The following GPR158 variants were observed in gnomAD, a reference collection of about 807,000 sequenced individuals.
GPR158 encodes G protein-coupled receptor 158, also known as metabotropic glycine receptor.
A neutral mutation model predicts 78.2 loss-of-function variants in GPR158; 30 were observed. The observed-to-expected ratio is 0.38, with a 90% CI of 0.29 to 0.52. The LOEUF (loss-of-function observed/expected upper bound fraction) is 0.52. GPR158 is among the 20% of genes least tolerant of loss of function. The probability of loss-of-function intolerance (pLI) is 0.83; values close to 1 mark genes in which losing one functional copy is unlikely to be tolerated. For missense variants in GPR158, 1,463 were observed against 1,523.5 expected (o/e 0.96, Z 0.66); for synonymous variants, 581 against 591.1 (o/e 0.98, Z 0.25).
At chr10:25,465,011 A>G (rs557248920) in intron 4 of GPR158, among the ~76,000 whole-genome samples, 26 of 152,306 alleles carry the variant, frequency 1.7e-4, no homozygotes, top group African/African-American at 6.3e-4. Context: ...CTATTCCCAA[A>G]TTCTTAAATT....
At position 25,175,087 on chromosome 10, in the gene GPR158, G is replaced by T; in HGVS notation, c.-334G>T. 1 of 235,090 alleles carries T rather than the reference G, an allele frequency of 4.3e-6. No homozygotes were observed. Among genetic ancestry groups the T allele is most frequent in the South Asian group, 8.9e-5 (1 of 11,222 alleles). 14.6% of individuals were successfully genotyped at this position (235,090 alleles called of 1,614,324 possible). ...AATGAGAGCGGCGGTGGCGGCAGCCGGGCCGAGAGACGGACTCGGGCTGAC... is the reference window on the plus strand; with the variant it reads ...AATGAGAGCGGCGGTGGCGGCAGCCTGGCCGAGAGACGGACTCGGGCTGAC... On this transcript the variant is annotated 5_prime_UTR_variant, in exon 1 of 11. Coordinates refer to ENST00000376351, the MANE Select transcript of GPR158 (RefSeq NM_020752.3). The surrounding 1 kb of genome is among the most constrained non-coding windows in gnomAD (Gnocchi z 6.4).
intron 2 of GPR158, among the ~76,000 whole-genome samples, chr10:25,264,181 C>T (rs554960031): frequency 2.0e-5 from 3 of 152,100 alleles, no homozygotes; most frequent in South Asian, 2.1e-4. Context: ...GTCCTTTGTA[C>T]GTTGAATCTG....
At chr10:25,299,119 TTTTG>T (rs1028603695) in intron 2 of GPR158, among the ~76,000 whole-genome samples, 3 of 152,160 alleles carry the variant, frequency 2.0e-5, no homozygotes, top group African/African-American at 7.2e-5. Flanking sequence ...TCAGTATACA[TTTTG>T]TTTATTTTTG....
chr10:25,549,770 A>G (rs1205233016), intron 5 of GPR158, among the ~76,000 whole-genome samples: 1 of 152,144 alleles, frequency 6.6e-6, no homozygotes, highest in Non-Finnish European at 1.5e-5. Flanking sequence ...GAGTTTAGGT[A>G]ATTCATTCTT....
chr10:25,335,464 G>T (rs1855184357), intron 2 of GPR158, among the ~76,000 whole-genome samples: 1 of 151,978 alleles, frequency 6.6e-6, no homozygotes, highest in Non-Finnish European at 1.5e-5. Context: ...AGCTCAACAT[G>T]CTAATTCCAA....
intron 1 of GPR158, among the ~76,000 whole-genome samples, chr10:25,192,763 A>AT (rs1228153924): frequency 1.3e-5 from 2 of 151,800 alleles, no homozygotes; most frequent in Admixed American, 1.3e-4. Context: ...TTGAAGTATA[A>AT]TAAAAAAAAG....
At chr10:25,188,121 A>G (rs915802744) in intron 1 of GPR158, among the ~76,000 whole-genome samples, 4 of 152,348 alleles carry the variant, frequency 2.6e-5, no homozygotes, top group African/African-American at 7.2e-5. Context: ...CCACTGCTCA[A>G]TGAAATAACA....
chr10:25,415,191 T>A (rs999562306), intron 4 of GPR158, among the ~76,000 whole-genome samples: 2 of 152,052 alleles, frequency 1.3e-5, no homozygotes, highest in African/African-American at 2.4e-5. Flanking sequence ...TCATGAAAAC[T>A]TTTTTGTATC....
At chr10:25,186,960 ATTTTTTT>A (rs1172184108) in intron 1 of GPR158, among the ~76,000 whole-genome samples, 2 of 119,244 alleles carry the variant, frequency 1.7e-5, no homozygotes, top group African/African-American at 3.3e-5. Context: ...TCCCTAACTC[ATTTTTTT>A]TTTTTTTTTT....
At chr10:25,432,480 A>G (rs1408419929) in intron 4 of GPR158, among the ~76,000 whole-genome samples, 1 of 152,240 alleles carries the variant, frequency 6.6e-6, no homozygotes, top group Admixed American at 6.5e-5. Flanking sequence ...ACCTGCATAT[A>G]TGTACATATA....
At chr10:25,369,571 A>C (rs1833956872) in intron 2 of GPR158, among the ~76,000 whole-genome samples, 1 of 151,140 alleles carries the variant, frequency 6.6e-6, no homozygotes, top group African/African-American at 2.4e-5. Flanking sequence ...TCGGTTTGCC[A>C]GTATTTTATT....
chr10:25,175,406 C>T lies in GPR158; in HGVS notation c.-15C>T. On this transcript the variant is annotated 5_prime_UTR_variant, in exon 1 of 11. Transcript: ENST00000376351. The surrounding 1 kb of genome is among the most constrained non-coding windows in gnomAD (Gnocchi z 6.4). ...CCCCCCCCTCCCGTTCCCTCCTCTT[C>T]TCTCTGGGAGGCAGATGGGAGCCAT... 1.4e-6 allele frequency: 2 copies of T among 1,481,044 alleles called. No individual in the cohort carries two copies. The highest frequency in any genetic ancestry group is 1.8e-6 in the Non-Finnish European group (2 of 1,100,846). 91.7% of individuals were successfully genotyped at this position (1,481,044 alleles called of 1,614,324 possible).
chr10:25,594,279 ATTCTCATTTCAGATTTGTTC>A lies in GPR158; in HGVS notation c.1893-10_1902del. 7.7e-7 allele frequency: 1 copy of A among 1,290,492 alleles called. No homozygotes were observed. Among genetic ancestry groups the A allele is most frequent in the Non-Finnish European group, 1.1e-6 (1 of 886,000 alleles). 79.9% of individuals were successfully genotyped at this position (1,290,492 alleles called of 1,614,324 possible). On this transcript the variant is annotated splice_acceptor_variant and splice_polypyrimidine_tract_variant and coding_sequence_variant and intron_variant, in exon 9 of 11. Coordinates refer to ENST00000376351, the MANE Select transcript of GPR158 (RefSeq NM_020752.3). LOFTEE classifies it high-confidence loss of function. The stretch of plus-strand genomic sequence containing the variant: ...TAATCTTGGATTGTTAACTCAATGA[ATTCTCATTTCAGATTTGTTC>A]TTGCCTCAAGACTTCAGTCTGATTG...
At chr10:25,537,427 A>G (rs12268579) in intron 5 of GPR158, among the ~76,000 whole-genome samples, 2,547 of 152,174 alleles carry the variant, frequency 0.017, 72 homozygotes, top group African/African-American at 0.058. Flanking sequence ...GTAGTTTCTT[A>G]TTTTAAATTA....
At chr10:25,395,170 T>C (rs1834349704) in intron 2 of GPR158, among the ~76,000 whole-genome samples, 1 of 152,174 alleles carries the variant, frequency 6.6e-6, no homozygotes, top group Non-Finnish European at 1.5e-5. Flanking sequence ...TATCTTTTGC[T>C]TGCTAGGTTA....
intron 3 of GPR158, among the ~76,000 whole-genome samples, chr10:25,405,143 T>A (rs1419001572): frequency 6.6e-6 from 1 of 152,106 alleles, no homozygotes; most frequent in Non-Finnish European, 1.5e-5. Context: ...AGACCATTAT[T>A]AGGAAAGATA....
In GPR158 at chr10:25,239,621, A is replaced by C. The variant is rs557351788; in HGVS notation, c.1008+18464A>C. Among the ~76,000 whole-genome samples, 5 of 151,080 alleles carry C rather than the reference A, an allele frequency of 3.3e-5. No individual in the cohort carries two copies. In the South Asian group the frequency reaches 1.1e-3, roughly 32 times the overall value. ...AGACTCTGTCTCAAAAAAAAAAAAA[A>C]AGTTATCACCAAGTTTTCCTGGTTG... is the stretch of plus-strand genomic sequence containing the variant. On this transcript the variant is annotated intron_variant, in intron 2 of 10. Transcript: ENST00000376351.
At chr10:25,383,002 A>G (rs1490306439) in intron 2 of GPR158, among the ~76,000 whole-genome samples, 2 of 151,570 alleles carry the variant, frequency 1.3e-5, no homozygotes, top group African/African-American at 4.9e-5. Context: ...CACCCGGCTT[A>G]TTTTTGGTAT....
chr10:25,323,695 T>A (rs948208697), intron 2 of GPR158, among the ~76,000 whole-genome samples: 13 of 151,802 alleles, frequency 8.6e-5, no homozygotes, highest in Non-Finnish European at 1.6e-4. Flanking sequence ...TTTTTTTTTT[T>A]TTTATAGAGA....
Sources: allele counts gnomAD v4.1 joint callset (sites outside exome capture counted in the v4.1 genomes callset), GRCh38; gene constraint gnomAD v4.1.1; non-coding constraint Gnocchi (gnomAD v3.1); transcripts MANE v1.5; gene names NCBI Gene and HGNC (gene_info 2026-07-23, HGNC 2026-07-21).